The following FSTL5 variants were observed in gnomAD, a reference collection of about 807,000 sequenced individuals.
FSTL5 encodes the protein follistatin-related protein 5.
A neutral mutation model predicts 89.1 loss-of-function variants in FSTL5; 62 were observed. The observed-to-expected ratio is 0.70, with a 90% CI of 0.57 to 0.86. The LOEUF (loss-of-function observed/expected upper bound fraction) is 0.86. Ranked by LOEUF, FSTL5 falls within the 40% of genes least tolerant of loss-of-function variation. The probability of loss-of-function intolerance (pLI) is 0.00; values close to 1 mark genes in which losing one functional copy is unlikely to be tolerated. For synonymous variants in FSTL5, 383 were observed against 346.2 expected, an observed-to-expected ratio of 1.11 and a Z score of -1.18; for missense variants, 1,057 against 1,001.6, an observed-to-expected ratio of 1.06 and a Z score of -0.75.
At chr4:161,543,344 C>A (rs1240786315) in intron 8 of FSTL5, among the ~76,000 whole-genome samples, 1 of 151,830 alleles carries the variant, frequency 6.6e-6, no homozygotes, top group Non-Finnish European at 1.5e-5. Flanking sequence ...TAACATGGTA[C>A]AAACTGGTAA....
intron 6 of FSTL5, among the ~76,000 whole-genome samples, chr4:161,750,034 TTC>T (rs1740343519): frequency 6.6e-6 from 1 of 152,066 alleles, no homozygotes; most frequent in African/African-American, 2.4e-5. Context: ...ATGTAACTCT[TTC>T]TAAAGTAAAT....
chr4:161,390,433 A>G (rs140373581), intron 15 of FSTL5, among the ~76,000 whole-genome samples: 1 of 152,288 alleles, frequency 6.6e-6, no homozygotes, highest in East Asian at 1.9e-4. Flanking sequence ...GTTGAAAACC[A>G]CAAAGCCTGA....
intron 4 of FSTL5, among the ~76,000 whole-genome samples, chr4:161,856,432 TGTG>T (rs1341418762): frequency 1.3e-5 from 2 of 151,992 alleles, no homozygotes; most frequent in Non-Finnish European, 2.9e-5. Context: ...AGCATCAAAA[TGTG>T]GTCATATTTA....
intron 2 of FSTL5, among the ~76,000 whole-genome samples, chr4:162,065,942 T>A (rs958638668): frequency 1.4e-4 from 21 of 152,098 alleles, no homozygotes; most frequent in African/African-American, 5.1e-4. Flanking sequence ...CCATCTTATA[T>A]CTTTTCCATG....
chr4:162,053,416 G>A (rs1202908413), intron 2 of FSTL5, among the ~76,000 whole-genome samples: 4 of 151,722 alleles, frequency 2.6e-5, no homozygotes, highest in East Asian at 1.9e-4. Context: ...TCATCTTTGA[G>A]AATCTGTGTC....
At chr4:161,478,762 T>C (rs1465383538) in intron 13 of FSTL5, among the ~76,000 whole-genome samples, 3 of 151,960 alleles carry the variant, frequency 2.0e-5, no homozygotes, top group African/African-American at 7.2e-5. Flanking sequence ...CAAATGACCA[T>C]AAAATGCCAT....
In FSTL5 at chr4:161,384,228, A is replaced by G. The variant is rs1730534711; in HGVS notation, c.*1519T>C. The G allele has an allele frequency of 6.6e-6, 1 of 152,196 alleles. No homozygotes were observed. The highest frequency in any genetic ancestry group is 6.5e-5 in the Admixed American group (1 of 15,276). The allele number at this position is 152,196 out of a possible 1,614,324, so 9.4% of individuals were successfully genotyped here. ...AAATTTCAGGTTTCTAAGCAGTTTT[A>G]TACAATTTAAACTTGAGTAAAATTT... On this transcript the variant is annotated 3_prime_UTR_variant, in exon 16 of 16. Transcript: ENST00000306100.
intron 4 of FSTL5, among the ~76,000 whole-genome samples, chr4:161,821,236 C>A (rs541150529): frequency 4.3e-4 from 65 of 152,088 alleles, no homozygotes; most frequent in African/African-American, 1.4e-3. Context: ...AGGGGTTTCA[C>A]CATGTGACCC....
intron 3 of FSTL5, among the ~76,000 whole-genome samples, chr4:161,986,282 G>T (rs1291327243): frequency 6.6e-6 from 1 of 152,136 alleles, no homozygotes; most frequent in Non-Finnish European, 1.5e-5. Flanking sequence ...AGGCACGGTG[G>T]CTCACGCCTG....
intron 7 of FSTL5, among the ~76,000 whole-genome samples, chr4:161,603,262 GT>G (rs1456869328): frequency 6.6e-6 from 1 of 152,032 alleles, no homozygotes; most frequent in African/African-American, 2.4e-5. Context: ...CACACAATTT[GT>G]TTTTTGGTTT....
At chr4:161,671,556 G>A (rs998338311) in intron 6 of FSTL5, among the ~76,000 whole-genome samples, 5 of 152,178 alleles carry the variant, frequency 3.3e-5, no homozygotes, top group African/African-American at 1.2e-4. Context: ...ACACATGTAA[G>A]TTTTAAAAAT....
At chr4:161,498,687 AAAT>A (rs1730181231) in intron 12 of FSTL5, among the ~76,000 whole-genome samples, 1 of 152,196 alleles carries the variant, frequency 6.6e-6, no homozygotes, top group South Asian at 2.1e-4. Context: ...GCTCTGATTT[AAAT>A]AATAATATTT....
intron 10 of FSTL5, among the ~76,000 whole-genome samples, chr4:161,511,915 C>G (rs140706859): frequency 6.6e-6 from 1 of 151,924 alleles, no homozygotes; most frequent in African/African-American, 2.4e-5. Context: ...CCAAAGCTTA[C>G]AAGAGTGCTG....
chr4:162,095,271 T>C (rs1298934280), intron 2 of FSTL5, among the ~76,000 whole-genome samples: 1 of 152,120 alleles, frequency 6.6e-6, no homozygotes, highest in Non-Finnish European at 1.5e-5. Flanking sequence ...TTTTCCCAAA[T>C]TGTGTTTCCC....
chr4:161,684,297 T>A (rs557320431), intron 6 of FSTL5, among the ~76,000 whole-genome samples: 1 of 152,198 alleles, frequency 6.6e-6, no homozygotes, highest in South Asian at 2.1e-4. Flanking sequence ...TACCCAGTAG[T>A]GGGATTGCTG....
At chr4:161,739,059 T>C (rs1008104331) in intron 6 of FSTL5, among the ~76,000 whole-genome samples, 3 of 152,216 alleles carry the variant, frequency 2.0e-5, no homozygotes, top group African/African-American at 7.2e-5. Context: ...TTATTAAAAA[T>C]GTTTGATGTG....
intron 15 of FSTL5, among the ~76,000 whole-genome samples, chr4:161,427,514 A>G (rs1732207098): frequency 6.6e-6 from 1 of 152,222 alleles, no homozygotes. Flanking sequence ...TCAGTCTAAG[A>G]TGCCTTCACC....
At chr4:161,582,224 G>GT (rs1733459838) in intron 8 of FSTL5, among the ~76,000 whole-genome samples, 1 of 152,076 alleles carries the variant, frequency 6.6e-6, no homozygotes, top group Admixed American at 6.6e-5. Context: ...GACATATTTT[G>GT]TTTTTATTAT....
rs1261518959 is a variant in FSTL5 at position 161,964,043 on chromosome 4, T to C, written c.161-43391A>G. On this transcript the variant is annotated intron_variant, in intron 3 of 15. Coordinates refer to ENST00000306100, the MANE Select transcript of FSTL5 (RefSeq NM_020116.5). Reference sequence around the variant, plus strand: ...ATTTTAAGTAATACCCTTTTTTCTCTAGATTTATTCAGGCTTTATGAATGC... The same window carrying C: ...ATTTTAAGTAATACCCTTTTTTCTCCAGATTTATTCAGGCTTTATGAATGC... 3.3e-5 allele frequency among the ~76,000 whole-genome samples: 5 copies of C among 152,024 alleles called. No homozygotes were observed. In the East Asian group the frequency reaches 9.6e-4, roughly 29 times the overall value.
Sources: gnomAD v4.1 joint callset for allele counts (sites outside exome capture counted in the v4.1 genomes callset) on GRCh38, gnomAD v4.1.1 for gene constraint, MANE v1.5 for transcripts, NCBI Gene and HGNC (gene_info 2026-07-23, HGNC 2026-07-21) for gene names.